The following HEATR9 variants were observed in gnomAD, a reference collection of about 807,000 sequenced individuals.
HEATR9 encodes the protein protein HEATR9.
HEATR9 carries 54 observed loss-of-function variants against 68.2 expected under a neutral mutation model. The observed-to-expected ratio is 0.79, with a 90% CI of 0.64 to 0.99. The LOEUF is 0.99. Ranked by LOEUF, HEATR9 falls within the 50% of genes least tolerant of loss-of-function variation. HEATR9 has a pLI of 0.00. For synonymous variants in HEATR9, 241 were observed against 253.5 expected, an observed-to-expected ratio of 0.95 and a Z score of 0.47; for missense variants, 662 against 679.7, an observed-to-expected ratio of 0.97 and a Z score of 0.29.
chr17:35,858,696 C>G (rs1201439471), intron 9 of HEATR9, among the ~76,000 whole-genome samples, 171 bp from the exon 10 acceptor site: 1 of 152,164 alleles, frequency 6.6e-6, no homozygotes, highest in Non-Finnish European at 1.5e-5. Context: ...AATGAACACC[C>G]ACACCTATCA....
intron 8 of HEATR9, chr17:35,861,379 A>C (rs911088439): frequency 1.3e-6 from 2 of 1,599,700 alleles, no homozygotes; most frequent in African/African-American, 2.7e-5. Context: ...ATCCACTGTA[A>C]GCTCTTTACC....
Position 35,864,550 on chromosome 17 carries a change from G to A in HEATR9, c.457C>T (p.Leu153Phe), listed in dbSNP as rs1233032523. ...CTGGGAGATTCCAGGCTTTTTGTGAGTTCCTGCCCATCCAAGGCAGCCAGT... is the reference window on the plus strand; with the variant it reads ...CTGGGAGATTCCAGGCTTTTTGTGAATTCCTGCCCATCCAAGGCAGCCAGT... ...DPLKWQRLRE[L>F]TKSLESPRED... Residue 153 changes from leucine to phenylalanine, a missense_variant, in exon 5 of 15, where the codon CTC (leucine) becomes TTC (phenylalanine). Leu to Phe is a conservative substitution (Grantham distance 22). Transcript: ENST00000604834. 6.2e-7 allele frequency: 1 copy of A among 1,613,390 alleles called. No individual in the cohort carries two copies. Among genetic ancestry groups the A allele is most frequent in the South Asian group, 1.1e-5 (1 of 90,938 alleles).
chr17:35,855,889 C>T (rs1425516526), intron 13 of HEATR9, 139 bp from the exon 14 acceptor site: 4 of 757,682 alleles, frequency 5.3e-6, no homozygotes, highest in East Asian at 2.7e-5. Flanking sequence ...ATACTCCTTT[C>T]CTTGCCATTT....
intron 14 of HEATR9, 59 bp from the exon 15 acceptor site, chr17:35,855,469 A>G: frequency 6.7e-7 from 1 of 1,500,396 alleles, no homozygotes; most frequent in Non-Finnish European, 9.2e-7. Context: ...GGGAGGCTCC[A>G]GAGAGGGGGC....
intron 8 of HEATR9, chr17:35,861,456 A>T: frequency 6.3e-7 from 1 of 1,576,058 alleles, no homozygotes; most frequent in Non-Finnish European, 8.7e-7. Context: ...TAAAGTTTCT[A>T]TGACACTTAG....
At chr17:35,859,190 C>G (rs949678685) in intron 8 of HEATR9, 120 bp from the exon 9 acceptor site, 11 of 897,118 alleles carry the variant, frequency 1.2e-5, no homozygotes, top group Non-Finnish European at 1.9e-5. Flanking sequence ...TTATTTCAAC[C>G]AATTAACTTA....
At chr17:35,856,058 TAAAC>T in intron 13 of HEATR9, 111 bp downstream of exon 13, 4 of 1,202,860 alleles carry the variant, frequency 3.3e-6, no homozygotes, top group Non-Finnish European at 4.8e-6. Context: ...AATTCTAAAA[TAAAC>T]AACTTCCCCG....
At chr17:35,860,271 A>G (rs1382646710) in intron 8 of HEATR9, among the ~76,000 whole-genome samples, 5 of 149,556 alleles carry the variant, frequency 3.3e-5, no homozygotes, top group Non-Finnish European at 7.4e-5. Context: ...AGCCGCCTGT[A>G]GTCCCAGCTA....
At chr17:35,867,510 T>A (rs943400716) in intron 1 of HEATR9, among the ~76,000 whole-genome samples, 1 of 151,596 alleles carries the variant, frequency 6.6e-6, no homozygotes, top group African/African-American at 2.4e-5. Flanking sequence ...GGCATTCATT[T>A]ATTCAGCATT....
At chr17:35,859,095 G>A in intron 8 of HEATR9, 25 bp from the exon 9 acceptor site, 1 of 1,607,992 alleles carries the variant, frequency 6.2e-7, no homozygotes. Context: ...AAATGGCTAA[G>A]GGGAGGGGCT....
intron 1 of HEATR9, among the ~76,000 whole-genome samples, chr17:35,868,222 G>A (rs1388283580): frequency 6.6e-6 from 1 of 152,238 alleles, no homozygotes; most frequent in Non-Finnish European, 1.5e-5. Context: ...GTAGACACAG[G>A]TGGTAAACAT....
rs1382374658 is a variant in HEATR9, at chr17:35,856,213, T to A, written c.1238A>T (p.Asn413Ile). 1 of 1,614,118 alleles carries A rather than the reference T, an allele frequency of 6.2e-7. No individual in the cohort carries two copies. The highest frequency in any genetic ancestry group is 8.5e-7 in the Non-Finnish European group (1 of 1,180,004). The change falls in exon 13 of 15, where the codon AAC becomes ATC. Residue 413 changes from asparagine to isoleucine, a missense_variant. Asn to Ile is a moderately radical substitution (Grantham distance 149, BLOSUM62 -3). Coordinates refer to ENST00000604834, the MANE Select transcript of HEATR9 (RefSeq NM_152781.4). ...MMNLVEAQLM[N>I]PDATARQEAV... ...TTCCTGGCGTGCAGTGGCATCTGGG[T>A]TCATCAGTTGTCTGTGTAGAAGGGA...
intron 8 of HEATR9, among the ~76,000 whole-genome samples, chr17:35,862,154 G>A (rs1222293833): frequency 6.6e-6 from 1 of 152,006 alleles, no homozygotes; most frequent in East Asian, 1.9e-4. Flanking sequence ...GCTGGGATTT[G>A]TGAGCCACCA....
At chr17:35,857,504 A>G (rs2087816367) in intron 11 of HEATR9, among the ~76,000 whole-genome samples, 1 of 152,228 alleles carries the variant, frequency 6.6e-6, no homozygotes, top group South Asian at 2.1e-4. Context: ...TCACGCCTGT[A>G]ATCCCAGCAC....
rs1328328453 is a variant in HEATR9 at position 35,861,100 on chromosome 17, TC to T, written c.756+1894del. The stretch of plus-strand genomic sequence containing the variant: ...TTAAAGAAGCATCCTCTTGTCCACA[TC>T]CTCTTGTAACTGTTGTACCATTTTC... On this transcript the variant is annotated intron_variant, in intron 8 of 14. Transcript: ENST00000604834. 2.9e-6 allele frequency: 3 copies of T among 1,037,440 alleles called. No homozygotes were observed. In the African/African-American group the frequency reaches 4.7e-5, roughly 16 times the overall value. 64.3% of individuals were successfully genotyped at this position (1,037,440 alleles called of 1,614,324 possible).
rs560407403 is a variant in HEATR9 at position 35,863,356 on chromosome 17, C to G, written c.625+146G>C. Reference sequence around the variant, plus strand: ...TTCCCTTTTCACCCCACCTTCCTCTCTTGGTTCAACATAACTGGGATAGTT... The same window carrying G: ...TTCCCTTTTCACCCCACCTTCCTCTGTTGGTTCAACATAACTGGGATAGTT... On this transcript the variant is annotated intron_variant, in intron 7 of 14. Transcript: ENST00000604834. 9.0e-4 allele frequency: 894 copies of G among 995,004 alleles called. 1 individual carries two copies. The highest frequency in any genetic ancestry group is 1.3e-3 in the Non-Finnish European group (837 of 650,690). 61.6% of individuals were successfully genotyped at this position (995,004 alleles called of 1,614,324 possible). A position where few individuals can be genotyped will look rare whatever the true frequency, so the allele number is the denominator to read the frequency against.
intron 12 of HEATR9, 48 bp downstream of exon 12, chr17:35,856,684 C>A (rs763614669): frequency 2.0e-6 from 3 of 1,519,264 alleles, no homozygotes; most frequent in Non-Finnish European, 2.7e-6. Flanking sequence ...CCCTCTGCCC[C>A]CTTCCCACAG....
In HEATR9 at chr17:35,855,098, T is replaced by C. The variant is rs950591043; in HGVS notation, c.1678A>G (p.Lys560Glu). 6.2e-7 allele frequency: 1 copy of C among 1,613,878 alleles called. No homozygotes were observed. The highest frequency in any genetic ancestry group is 1.3e-5 in the African/African-American group (1 of 74,864). The change falls in exon 15 of 15, where the codon AAA becomes GAA. Residue 560 changes from lysine (K) to glutamate (E), a missense_variant. By Grantham distance (56) the Lys-to-Glu change is moderately conservative (BLOSUM62 1). Transcript: ENST00000604834. ...VIGPWQPRIK[K>E]QLRVLAEIAK ...ATTTCAGCAAGGACCCGGAGCTGTTTCTTGATCCTTGGCTGCCAGGGCCCT... is the reference window on the plus strand; with the variant it reads ...ATTTCAGCAAGGACCCGGAGCTGTTCCTTGATCCTTGGCTGCCAGGGCCCT...
chr17:35,863,676 T>A (rs1450375486), intron 6 of HEATR9, 117 bp from the exon 7 acceptor site: 2 of 1,108,950 alleles, frequency 1.8e-6, no homozygotes, highest in East Asian at 2.4e-5. Flanking sequence ...GCCTAGAAAG[T>A]GACCTATCTA....
Sources: gnomAD v4.1 joint callset for allele counts (sites outside exome capture counted in the v4.1 genomes callset) on GRCh38, gnomAD v4.1.1 for gene constraint, MANE v1.5 for transcripts, NCBI Gene and HGNC (gene_info 2026-07-23, HGNC 2026-07-21) for gene names.